ANKRA2: variants seen among roughly 807,000 people sequenced by gnomAD.
The protein encoded by ANKRA2 is ankyrin repeat family A member 2, also known as ankyrin repeat family A protein 2.
In ANKRA2, 33 loss-of-function variants were observed where a neutral mutation model predicts 37.8. The ratio of observed to expected loss-of-function variants is 0.87; its 90% CI spans 0.66 to 1.17. The LOEUF is 1.17. Among genes scored for constraint, ANKRA2 ranks in the 50% most tolerant of loss-of-function variants. ANKRA2 has a pLI of 0.00. For missense variants in ANKRA2, 326 were observed against 373.7 expected (o/e 0.87, Z 1.05); for synonymous variants, 126 against 132.3 (o/e 0.95, Z 0.33).
chr5:73,557,411 C>CT (rs80067963), intron 4 of ANKRA2, 164 bp downstream of exon 4: 12,200 of 192,798 alleles, frequency 0.063, 1,367 homozygotes, highest in African/African-American at 0.27. Context: ...CTTTATATTC[C>CT]TTTTTTTTTT....
At chr5:73,554,169 A>G in intron 7 of ANKRA2, 153 bp downstream of exon 7, 1 of 198,574 alleles carries the variant, frequency 5.0e-6, no homozygotes, top group Non-Finnish European at 9.1e-6. Flanking sequence ...CACATGGGCA[A>G]CTTTTGGTGG....
intron 3 of ANKRA2, among the ~76,000 whole-genome samples, chr5:73,559,935 AT>A (rs1001294995): frequency 9.9e-5 from 15 of 151,698 alleles, no homozygotes; most frequent in Middle Eastern, 6.8e-3. Flanking sequence ...ATTAAAAAAA[AT>A]TTTTTTTGGT....
chr5:73,556,040 G>C (rs1452218070), intron 4 of ANKRA2, among the ~76,000 whole-genome samples: 2 of 152,174 alleles, frequency 1.3e-5, no homozygotes, highest in African/African-American at 2.4e-5. Flanking sequence ...CAGAATTACA[G>C]AAATATATAA....
At chr5:73,557,416 T>TA (rs1554044754) in intron 4 of ANKRA2, 159 bp downstream of exon 4, 3 of 81,986 alleles carry the variant, frequency 3.7e-5, no homozygotes, top group Non-Finnish European at 5.0e-5. Flanking sequence ...TATTCCTTTT[T>TA]TTTTTTTTTT....
chr5:73,555,456 T>C (rs1362816397), intron 5 of ANKRA2, 32 bp downstream of exon 5: 1 of 1,610,848 alleles, frequency 6.2e-7, no homozygotes, highest in Admixed American at 1.7e-5. Flanking sequence ...TAAGTAACTA[T>C]ACATATACAT....
chr5:73,560,889 G>A (rs574831754), intron 3 of ANKRA2, among the ~76,000 whole-genome samples: 55 of 152,222 alleles, frequency 3.6e-4, no homozygotes, highest in African/African-American at 1.2e-3. Flanking sequence ...TAGTGAGATC[G>A]TGTGGTATTT....
intron 6 of ANKRA2, 74 bp downstream of exon 6, chr5:73,554,787 T>TA: frequency 2.0e-6 from 3 of 1,504,628 alleles, no homozygotes; most frequent in Non-Finnish European, 2.7e-6. Flanking sequence ...TAATAAAACT[T>TA]ACTGCATCTC....
Position 73,565,483 on chromosome 5 carries a change from A to C in ANKRA2, c.-456T>G. ...GCTAAAAAACGTTCCGCAGCAATGCAGCTGAAACTTTCGGGTTTTCTTTTT... is the reference window on the plus strand; with the variant it reads ...GCTAAAAAACGTTCCGCAGCAATGCCGCTGAAACTTTCGGGTTTTCTTTTT... On this transcript the variant is annotated 5_prime_UTR_variant, in exon 1 of 9. Transcript: ENST00000296785. 7.8e-6 allele frequency: 2 copies of C among 257,212 alleles called. No individual in the cohort carries two copies. The highest frequency in any genetic ancestry group is 3.7e-5 in the South Asian group (1 of 26,870). The allele number at this position is 257,212 out of a possible 1,614,324, so 15.9% of individuals were successfully genotyped here. A position where few individuals can be genotyped will look rare whatever the true frequency, so the allele number is the denominator to read the frequency against.
In ANKRA2 at chr5:73,565,481, G is replaced by A; in HGVS notation, c.-454C>T. ...TGGCTAAAAAACGTTCCGCAGCAAT[G>A]CAGCTGAAACTTTCGGGTTTTCTTT... is the stretch of plus-strand genomic sequence containing the variant. On this transcript the variant is annotated 5_prime_UTR_variant, in exon 1 of 9. Transcript: ENST00000296785. The A allele has an allele frequency of 3.9e-6, 1 of 255,760 alleles. No individual in the cohort carries two copies. Among genetic ancestry groups the A allele is most frequent in the Admixed American group, 5.2e-5 (1 of 19,332 alleles). 15.8% of individuals were successfully genotyped at this position (255,760 alleles called of 1,614,324 possible).
In ANKRA2 at chr5:73,554,865, T is replaced by C; in HGVS notation, c.734A>G (p.Asp245Gly). The C allele has an allele frequency of 3.7e-6, 6 of 1,612,768 alleles. No individual in the cohort carries two copies. The highest frequency in any genetic ancestry group is 4.2e-6 in the Non-Finnish European group (5 of 1,179,542). The change falls in exon 6 of 9, where the codon GAT becomes GGT. Residue 245 changes from aspartate to glycine, a missense_variant. Physicochemically the swap from Asp to Gly is moderately conservative, Grantham distance 94. Around this residue, in one of 3 missense-constraint regions of ANKRA2, gnomAD observed 228 missense variants for 260.2 expected, o/e 0.88. Transcript: ENST00000296785. The part of the protein sequence containing the change: ...LDCGVDVNEY[D>G]WNGGTPLLYA... The stretch of plus-strand genomic sequence containing the variant: ...AATTTAGTATTACAAACTTACCCAA[T>C]CATATTCATTTACATCAACTCCACA...
At position 73,554,987 on chromosome 5, in the gene ANKRA2, C is replaced by T. The variant is rs1747360133; in HGVS notation, c.613-1G>A. 5.6e-6 allele frequency: 9 copies of T among 1,611,096 alleles called. No homozygotes were observed. On this transcript the variant is annotated splice_acceptor_variant, in intron 5 of 8. Transcript: ENST00000296785. LOFTEE classifies it high-confidence loss of function. ...TTCCTAAAAGTTGGGGATCAGCACC[C>T]TGGTATGGGAAGTAGAGATAAAAGA... is the stretch of plus-strand genomic sequence containing the variant.
intron 8 of ANKRA2, 99 bp downstream of exon 8, chr5:73,553,307 A>G (rs1747300263): frequency 2.3e-6 from 2 of 853,542 alleles, no homozygotes; most frequent in Non-Finnish European, 3.6e-6. Context: ...TTGGGATAAC[A>G]TGTTTTAGGA....
intron 3 of ANKRA2, among the ~76,000 whole-genome samples, chr5:73,558,972 G>T (rs772238770): frequency 2.6e-5 from 4 of 152,198 alleles, no homozygotes; most frequent in African/African-American, 9.7e-5. Flanking sequence ...AAATTCTATG[G>T]TGGATTATTT....
intron 3 of ANKRA2, among the ~76,000 whole-genome samples, chr5:73,559,490 A>T (rs1317351849): frequency 6.6e-6 from 1 of 152,158 alleles, no homozygotes; most frequent in Non-Finnish European, 1.5e-5. Context: ...ATTATATTCA[A>T]ATTCAAAATT....
At chr5:73,557,799 G>C (rs1747441221) in intron 3 of ANKRA2, among the ~76,000 whole-genome samples, 159 bp from the exon 4 acceptor site, 1 of 152,148 alleles carries the variant, frequency 6.6e-6, no homozygotes, top group Non-Finnish European at 1.5e-5. Context: ...AATTAAGGCT[G>C]GGCGCAGTGG....
Position 73,557,556 on chromosome 5 carries a change from T to G in ANKRA2, c.514+19A>C, listed in dbSNP as rs1368446671. ...AAATCCTATTGAATTTGTTTAAATA[T>G]TTTTAAATAGGCTATTACCTTGTTC... On this transcript the variant is annotated intron_variant, in intron 4 of 8. Coordinates refer to ENST00000296785, the MANE Select transcript of ANKRA2 (RefSeq NM_023039.5). The G allele has an allele frequency of 2.0e-6, 3 of 1,535,094 alleles. No homozygotes were observed. The highest frequency in any genetic ancestry group is 1.8e-5 in the Admixed American group (1 of 55,474).
At chr5:73,554,828 A>G in intron 6 of ANKRA2, 33 bp downstream of exon 6, 1 of 1,596,126 alleles carries the variant, frequency 6.3e-7, no homozygotes, top group South Asian at 1.1e-5. Context: ...AAAACTTGCT[A>G]GAGTCATTTT....
intron 1 of ANKRA2, among the ~76,000 whole-genome samples, chr5:73,564,697 C>T (rs1255148287): frequency 6.6e-6 from 1 of 152,154 alleles, no homozygotes; most frequent in Non-Finnish European, 1.5e-5. Flanking sequence ...CAGCTCTAAA[C>T]AGCTTCCATG....
chr5:73,554,998 A>G lies in ANKRA2; in HGVS notation c.613-12T>C. 6.3e-7 allele frequency: 1 copy of G among 1,599,536 alleles called. No homozygotes were observed. Among genetic ancestry groups the G allele is most frequent in the Non-Finnish European group, 8.5e-7 (1 of 1,176,084 alleles). ...TGGGGATCAGCACCCTGGTATGGGAAGTAGAGATAAAAGACTTCTCAATTA... is the reference window on the plus strand; with the variant it reads ...TGGGGATCAGCACCCTGGTATGGGAGGTAGAGATAAAAGACTTCTCAATTA... On this transcript the variant is annotated splice_polypyrimidine_tract_variant and intron_variant, in intron 5 of 8. Transcript: ENST00000296785.
Sources: gnomAD v4.1 joint callset for allele counts (sites outside exome capture counted in the v4.1 genomes callset) on GRCh38, gnomAD v4.1.1 for gene constraint, gnomAD v4.1.1 regional missense constraint, MANE v1.5 for transcripts, NCBI Gene and HGNC (gene_info 2026-07-23, HGNC 2026-07-21) for gene names.